The following LIMS1 variants were observed in gnomAD, a reference collection of about 807,000 sequenced individuals.
The protein encoded by LIMS1 is LIM and senescent cell antigen-like-containing domain protein 1.
A neutral mutation model predicts 44.1 loss-of-function variants in LIMS1; 18 were observed. The observed-to-expected ratio is 0.41, with a 90% confidence interval of 0.28 to 0.61. LIMS1 has a LOEUF of 0.61. Among genes scored for constraint, LIMS1 ranks in the 20% least tolerant of loss-of-function variants. The probability of loss-of-function intolerance (pLI) is 0.32; values close to 1 mark genes in which losing one functional copy is unlikely to be tolerated. For missense variants in LIMS1, 201 were observed against 422.0 expected (o/e 0.48, Z 4.59); for synonymous variants, 93 against 149.1 (o/e 0.62, Z 2.74).
intron 1 of LIMS1, among the ~76,000 whole-genome samples, chr2:108,570,155 G>A (rs1197669185): frequency 6.6e-6 from 1 of 152,150 alleles, no homozygotes; most frequent in Admixed American, 6.5e-5. Flanking sequence ...ACTAGGCCGG[G>A]AATGGTGGCT....
chr2:108,570,668 G>A (rs563642534), intron 1 of LIMS1, among the ~76,000 whole-genome samples: 82 of 152,286 alleles, frequency 5.4e-4, no homozygotes, highest in Admixed American at 8.5e-4. Context: ...GGGAGTGGCC[G>A]CATCTCAGAG....
exon 6 of LIMS1, chr2:108,675,881 G>GTCATCT: frequency 6.2e-7 from 1 of 1,613,930 alleles, no homozygotes; most frequent in Non-Finnish European, 8.5e-7. Flanking sequence ...CGGACAGGAA[G>GTCATCT]GAGCTGACTG....
In LIMS1 at chr2:108,551,486, C is replaced by CGT. The variant is rs1684695525; in HGVS notation, c.32+16893_32+16894insTG. Among the ~76,000 whole-genome samples, 4 of 98,842 alleles carry CGT rather than the reference C, an allele frequency of 4.0e-5. 1 individual carries two copies. Among genetic ancestry groups the CGT allele is most frequent in the African/African-American group, 1.2e-4 (3 of 24,416 alleles). 64.8% of individuals were successfully genotyped at this position (98,842 alleles called of 152,430 possible). A position where few individuals can be genotyped will look rare whatever the true frequency, so the allele number is the denominator to read the frequency against. On this transcript the variant is annotated intron_variant, in intron 1 of 9. Transcript: ENST00000544547. ...CACACTCTATATACATATATGCGCGCGCGCGCACACACACACACACACACA... is the reference window on the plus strand; with the variant it reads ...CACACTCTATATACATATATGCGCGCGTGCGCGCACACACACACACACACACA...
At chr2:108,651,087 C>T (rs1193582173) in intron 1 of LIMS1, among the ~76,000 whole-genome samples, 1 of 152,154 alleles carries the variant, frequency 6.6e-6, no homozygotes, top group Non-Finnish European at 1.5e-5. Flanking sequence ...AAGGGCAGCC[C>T]ATCAGTGCTG....
rs554063808 is a variant in LIMS1 at position 108,551,877 on chromosome 2, G to GTA, written c.32+17289_32+17290dup. On this transcript the variant is annotated intron_variant, in intron 1 of 9. Transcript: ENST00000544547. ...CTATGTAGTATATATGTATACATAT[G>GTA]TATATATGTGTATATACATGTATAT... Among the ~76,000 whole-genome samples the GTA allele has an allele frequency of 1.8e-3, 253 of 141,910 alleles. 3 individuals carry two copies. Among genetic ancestry groups the GTA allele is most frequent in the South Asian group, 6.5e-4 (3 of 4,620 alleles). 93.1% of individuals were successfully genotyped at this position (141,910 alleles called of 152,430 possible). A position where few individuals can be genotyped will look rare whatever the true frequency, so the allele number is the denominator to read the frequency against.
chr2:108,668,246 T>C (rs548123525), intron 2 of LIMS1, among the ~76,000 whole-genome samples: 3 of 152,218 alleles, frequency 2.0e-5, no homozygotes, highest in Non-Finnish European at 4.4e-5. Context: ...AAATAGCTAT[T>C]TTGAAATATT....
At chr2:108,680,833 A>T (rs1692942466) in intron 9 of LIMS1, 63 bp downstream of exon 9, 12 of 1,588,976 alleles carry the variant, frequency 7.6e-6, no homozygotes, top group Non-Finnish European at 1.0e-5. Context: ...GACACTTAAA[A>T]AAAATCCTAG....
intron 1 of LIMS1, among the ~76,000 whole-genome samples, chr2:108,561,321 G>A (rs1047095828): frequency 2.6e-5 from 4 of 152,210 alleles, no homozygotes; most frequent in Admixed American, 2.6e-4. Flanking sequence ...GTTTAACACA[G>A]TGTATCTTCA....
intron 1 of LIMS1, among the ~76,000 whole-genome samples, chr2:108,552,336 G>A (rs1419159447): frequency 3.7e-5 from 5 of 136,910 alleles, no homozygotes; most frequent in Admixed American, 2.3e-4. Context: ...TATACTATAC[G>A]TGTAGTATAT....
At chr2:108,553,594 C>A (rs1422634502) in intron 1 of LIMS1, among the ~76,000 whole-genome samples, 1 of 152,188 alleles carries the variant, frequency 6.6e-6, no homozygotes, top group East Asian at 1.9e-4. Context: ...TTGTGGTCTT[C>A]TCTTTGCTTG....
At chr2:108,581,275 C>A (rs921208023) in intron 1 of LIMS1, among the ~76,000 whole-genome samples, 4 of 152,134 alleles carry the variant, frequency 2.6e-5, no homozygotes, top group Non-Finnish European at 4.4e-5. Flanking sequence ...TAAAACTTAA[C>A]CCCCGCCAGT....
At chr2:108,607,705 G>A (rs1030007799) in intron 1 of LIMS1, among the ~76,000 whole-genome samples, 2 of 151,900 alleles carry the variant, frequency 1.3e-5, no homozygotes, top group African/African-American at 2.4e-5. Flanking sequence ...AACTTTTCTC[G>A]TCTTCCTTTG....
chr2:108,559,278 T>C (rs1685032310), intron 1 of LIMS1, among the ~76,000 whole-genome samples: 1 of 152,212 alleles, frequency 6.6e-6, no homozygotes, highest in African/African-American at 2.4e-5. Context: ...AATTGGTTCC[T>C]GAGAATTGTT....
intron 1 of LIMS1, among the ~76,000 whole-genome samples, chr2:108,535,441 A>C (rs780777344): frequency 2.0e-4 from 30 of 152,358 alleles, no homozygotes; most frequent in Non-Finnish European, 4.0e-4. Context: ...GTTTGAATGC[A>C]GCTAAAGCTC....
At chr2:108,534,710 C>T (rs2104556359) in intron 1 of LIMS1, 116 bp downstream of exon 1, 1 of 527,362 alleles carries the variant, frequency 1.9e-6, no homozygotes, top group South Asian at 7.9e-5. Context: ...CCCGCGGCCT[C>T]CCCCGGTCGG....
chr2:108,618,507 T>C (rs187023042), intron 1 of LIMS1, among the ~76,000 whole-genome samples: 142 of 152,148 alleles, frequency 9.3e-4, no homozygotes, highest in African/African-American at 3.3e-3. Flanking sequence ...CAGTCCTCTC[T>C]CTCTCTCTCT....
At chr2:108,669,001 A>T (rs1219953972) in intron 2 of LIMS1, among the ~76,000 whole-genome samples, 1 of 152,214 alleles carries the variant, frequency 6.6e-6, no homozygotes, top group Non-Finnish European at 1.5e-5. Context: ...CAAGAGGCTG[A>T]TGTAGAAGGA....
chr2:108,551,635 T>C (rs528765834), intron 1 of LIMS1, among the ~76,000 whole-genome samples: 1 of 145,432 alleles, frequency 6.9e-6, no homozygotes, highest in African/African-American at 2.5e-5. Flanking sequence ...TGTGTATATA[T>C]ATGTATATAT....
intron 1 of LIMS1, among the ~76,000 whole-genome samples, chr2:108,540,646 T>G (rs1684286905): frequency 6.6e-6 from 1 of 152,240 alleles, no homozygotes; most frequent in South Asian, 2.1e-4. Context: ...TGGGTTTATA[T>G]GTGAAAAAGT....
Sources: gnomAD v4.1 joint callset for allele counts (sites outside exome capture counted in the v4.1 genomes callset) on GRCh38, gnomAD v4.1.1 for gene constraint, MANE v1.5 for transcripts, NCBI Gene and HGNC (gene_info 2026-07-23, HGNC 2026-07-21) for gene names.